The following FHIT variants were observed in gnomAD, a reference collection of about 807,000 sequenced individuals.
The protein encoded by FHIT is bis(5'-adenosyl)-triphosphatase.
FHIT carries 19 observed loss-of-function variants against 17.9 expected under a neutral mutation model. The ratio of observed to expected loss-of-function variants is 1.06; its 90% CI spans 0.74 to 1.56. The LOEUF is 1.56. FHIT is among the 40% of genes most tolerant of loss of function. The pLI is 0.00. For missense variants in FHIT, 248 were observed against 189.2 expected (o/e 1.31, Z -1.82); for synonymous variants, 81 against 69.7 (o/e 1.16, Z -0.81).
intron 2 of FHIT, among the ~76,000 whole-genome samples, chr3:61,124,069 C>A (rs2036539660): frequency 1.3e-5 from 2 of 152,126 alleles, no homozygotes; most frequent in South Asian, 4.1e-4. Flanking sequence ...AGTATCATTA[C>A]CACTGAAGAG....
intron 5 of FHIT, among the ~76,000 whole-genome samples, chr3:60,489,013 A>T (rs2033956111): frequency 1.3e-5 from 2 of 152,188 alleles, no homozygotes; most frequent in South Asian, 4.1e-4. Flanking sequence ...TGGGTCAAGG[A>T]TTGAACCAGA....
At chr3:61,233,407 G>A (rs183299452) in intron 1 of FHIT, among the ~76,000 whole-genome samples, 387 of 152,192 alleles carry the variant, frequency 2.5e-3, no homozygotes, top group Non-Finnish European at 3.6e-3. Flanking sequence ...AACATATACC[G>A]TAGAATACTC....
At chr3:60,813,968 A>G (rs1701650488) in intron 4 of FHIT, among the ~76,000 whole-genome samples, 1 of 151,974 alleles carries the variant, frequency 6.6e-6, no homozygotes, top group Non-Finnish European at 1.5e-5. Context: ...TTTTAAACCT[A>G]TCTGTGTTTT....
chr3:60,221,899 T>C (rs1703978400), intron 5 of FHIT, among the ~76,000 whole-genome samples: 1 of 151,684 alleles, frequency 6.6e-6, no homozygotes, highest in Non-Finnish European at 1.5e-5. Flanking sequence ...AGAGTGAAAT[T>C]AGTTGTTTTT....
intron 3 of FHIT, among the ~76,000 whole-genome samples, chr3:61,024,387 A>T (rs548248942): frequency 3.0e-4 from 46 of 152,294 alleles, no homozygotes; most frequent in Non-Finnish European, 2.9e-5. Flanking sequence ...TCTTCCACTC[A>T]ACACTAGAAA....
At chr3:60,579,774 A>G (rs921067044) in intron 4 of FHIT, among the ~76,000 whole-genome samples, 6 of 152,102 alleles carry the variant, frequency 3.9e-5, no homozygotes, top group Admixed American at 2.0e-4. Context: ...CTGAGTGGAG[A>G]AAGAGGCTTT....
chr3:61,178,342 G>A (rs1307493085), intron 2 of FHIT, among the ~76,000 whole-genome samples: 1 of 151,840 alleles, frequency 6.6e-6, no homozygotes, highest in African/African-American at 2.4e-5. Context: ...ACCCAACAGA[G>A]GCCACCTCAT....
chr3:60,919,259 C>T (rs1398596520), intron 3 of FHIT, among the ~76,000 whole-genome samples: 1 of 152,176 alleles, frequency 6.6e-6, no homozygotes, highest in African/African-American at 2.4e-5. Flanking sequence ...TGGCATGCTT[C>T]TTATTTTCAA....
chr3:60,813,532 C>T (rs184253645), intron 4 of FHIT, among the ~76,000 whole-genome samples: 52 of 152,102 alleles, frequency 3.4e-4, no homozygotes, highest in African/African-American at 1.0e-3. Flanking sequence ...ACATATACAA[C>T]GCATTAAATG....
intron 5 of FHIT, among the ~76,000 whole-genome samples, chr3:60,166,117 A>G (rs982397478): frequency 3.3e-5 from 5 of 152,138 alleles, no homozygotes; most frequent in Admixed American, 3.3e-4. Context: ...AATCATGAGA[A>G]TCAATTAAAA....
At chr3:60,211,329 CAG>C (rs1703444308) in intron 5 of FHIT, among the ~76,000 whole-genome samples, 1 of 151,642 alleles carries the variant, frequency 6.6e-6, no homozygotes, top group Admixed American at 6.6e-5. Flanking sequence ...ATTTAATAAA[CAG>C]AGTAAGTATT....
At chr3:59,805,977 C>T (rs570977092) in intron 8 of FHIT, among the ~76,000 whole-genome samples, 22 of 152,076 alleles carry the variant, frequency 1.4e-4, no homozygotes, top group Admixed American at 1.0e-3. Flanking sequence ...GTCAGGAGAT[C>T]GAGACCGTCC....
At chr3:60,285,422 G>A (rs1321381107) in intron 5 of FHIT, among the ~76,000 whole-genome samples, 1 of 152,122 alleles carries the variant, frequency 6.6e-6, no homozygotes, top group African/African-American at 2.4e-5. Flanking sequence ...TATAGAATGA[G>A]TGAGATAAAT....
At chr3:59,956,266 A>G (rs1707391466) in intron 7 of FHIT, among the ~76,000 whole-genome samples, 1 of 152,134 alleles carries the variant, frequency 6.6e-6, no homozygotes, top group Admixed American at 6.5e-5. Flanking sequence ...CTGGCCAGGC[A>G]TGGTGGCTCA....
In FHIT at chr3:59,749,445, TTGAAGAATACAGGATGGTGAGA is replaced by T. The variant is rs1700764116; in HGVS notation, c.*118_*139del. Reference sequence around the variant, plus strand: ...AGTGACCGAGGTGGGGGATCACTGGTTGAAGAATACAGGATGGTGAGATGAAGAAACTGCATTTTCATGCTGA... The same window carrying T: ...AGTGACCGAGGTGGGGGATCACTGGTTGAAGAAACTGCATTTTCATGCTGA... On this transcript the variant is annotated 3_prime_UTR_variant, in exon 10 of 10. Coordinates refer to ENST00000492590, the MANE Select transcript of FHIT (RefSeq NM_002012.4). 4.3e-6 allele frequency: 1 copy of T among 231,836 alleles called. No homozygotes were observed. The highest frequency in any genetic ancestry group is 8.5e-6 in the Non-Finnish European group (1 of 117,184). The allele number at this position is 231,836 out of a possible 1,614,324, so 14.4% of individuals were successfully genotyped here.
At chr3:60,916,872 T>C (rs1050167773) in intron 3 of FHIT, among the ~76,000 whole-genome samples, 22 of 152,184 alleles carry the variant, frequency 1.4e-4, no homozygotes, top group Non-Finnish European at 2.2e-4. Context: ...GATGGGAGTA[T>C]TAAAAGGAAG....
At chr3:60,619,162 G>T (rs1299590591) in intron 4 of FHIT, among the ~76,000 whole-genome samples, 1 of 151,960 alleles carries the variant, frequency 6.6e-6, no homozygotes, top group African/African-American at 2.4e-5. Flanking sequence ...TTAGTATCAT[G>T]TATTTTTTCC....
At chr3:60,925,393 G>T (rs1707536328) in intron 3 of FHIT, among the ~76,000 whole-genome samples, 1 of 152,170 alleles carries the variant, frequency 6.6e-6, no homozygotes, top group Non-Finnish European at 1.5e-5. Context: ...AGAAGAGAGT[G>T]GAGGCCAATA....
At chr3:60,285,414 T>C (rs1189073957) in intron 5 of FHIT, among the ~76,000 whole-genome samples, 3 of 152,140 alleles carry the variant, frequency 2.0e-5, no homozygotes, top group Non-Finnish European at 4.4e-5. Flanking sequence ...AGTTATACTA[T>C]AGAATGAGTG....
Sources: allele counts gnomAD v4.1 joint callset (sites outside exome capture counted in the v4.1 genomes callset), GRCh38; gene constraint gnomAD v4.1.1; transcripts MANE v1.5; gene names NCBI Gene and HGNC (gene_info 2026-07-23, HGNC 2026-07-21).